ARSG: variants seen among roughly 807,000 people sequenced by gnomAD.
ARSG encodes the protein ASG.
A neutral mutation model predicts 50.5 loss-of-function variants in ARSG; 37 were observed. The observed-to-expected ratio is 0.73, with a 90% CI of 0.56 to 0.96. The LOEUF is 0.96. ARSG is among the 50% of genes least tolerant of loss of function. The probability of loss-of-function intolerance (pLI) is 0.00; values close to 1 mark genes in which losing one functional copy is unlikely to be tolerated. For missense variants in ARSG, 629 were observed against 675.3 expected, an observed-to-expected ratio of 0.93 and a Z score of 0.76; for synonymous variants, 225 against 254.6, an observed-to-expected ratio of 0.88 and a Z score of 1.11.
In ARSG at chr17:68,306,978, G is replaced by A. The variant is rs1427365846; in HGVS notation, c.-516G>A. 6.6e-6 allele frequency: 1 copy of A among 152,590 alleles called. No homozygotes were observed. Among genetic ancestry groups the A allele is most frequent in the African/African-American group, 2.4e-5 (1 of 41,412 alleles). The allele number at this position is 152,590 out of a possible 1,614,324, so 9.5% of individuals were successfully genotyped here. A position where few individuals can be genotyped will look rare whatever the true frequency, so the allele number is the denominator to read the frequency against. On this transcript the variant is annotated 5_prime_UTR_variant, in exon 2 of 12. Transcript: ENST00000621439. ...AGAAACATGAAGCCCTCAACCATCT[G>A]CTACTCAGTTATTCGGGGCTGACGG... is the stretch of plus-strand genomic sequence containing the variant.
At chr17:68,374,264 T>C (rs7211973) in intron 8 of ARSG, among the ~76,000 whole-genome samples, 74,715 of 151,792 alleles carry the variant, frequency 0.49, 19,345 homozygotes, top group African/African-American at 0.64. Flanking sequence ...CCTGGGACAC[T>C]CTTGGGCCAG....
In ARSG at chr17:68,292,222, C is replaced by T. The variant is rs150374728; in HGVS notation, c.-552+654C>T. ...AGCCGGGCTGAGTCAGCATCCCCGG[C>T]CCGGGGCGCGCGCGCACCCTCCAGG... On this transcript the variant is annotated intron_variant, in intron 1 of 11. Coordinates refer to ENST00000621439, the MANE Select transcript of ARSG (RefSeq NM_001267727.2). Among the ~76,000 whole-genome samples, 305 of 151,722 alleles carry T rather than the reference C, an allele frequency of 2.0e-3. 1 individual carries two copies. Among genetic ancestry groups the T allele is most frequent in the African/African-American group, 7.0e-3 (290 of 41,338 alleles).
In ARSG at chr17:68,392,457, C is replaced by T. The variant is rs369304659; in HGVS notation, c.1092-2616C>T. Among the ~76,000 whole-genome samples, 5 of 152,210 alleles carry T rather than the reference C, an allele frequency of 3.3e-5. No homozygotes were observed. In the East Asian group the frequency reaches 9.6e-4, roughly 29 times the overall value. ...TGTGTTGTTCTCTCTTTTATATTTC[C>T]GGATGCTCTCATTTTTTCAACCATA... On this transcript the variant is annotated intron_variant, in intron 9 of 11. Transcript: ENST00000621439.
In ARSG at chr17:68,269,456, C is replaced by T. The variant is rs1194683295; in HGVS notation, c.-552+10030C>T. On this transcript the variant is annotated intron_variant, in intron 1 of 11. Transcript: ENST00000448504. ...TCAGTTTCACTGCCTTCCTTGTTTT[C>T]TTTTGTGTTTCTAAAGAAAAATGGG... 5 of 1,233,240 alleles carry T rather than the reference C, an allele frequency of 4.1e-6. 1 individual carries two copies. In the Admixed American group the frequency reaches 1.3e-4, roughly 33 times the overall value. The allele number at this position is 1,233,240 out of a possible 1,614,324, so 76.4% of individuals were successfully genotyped here. A position where few individuals can be genotyped will look rare whatever the true frequency, so the allele number is the denominator to read the frequency against.
intron 11 of ARSG, among the ~76,000 whole-genome samples, chr17:68,416,603 T>C (rs867870519): frequency 1.6e-4 from 25 of 152,200 alleles, no homozygotes; most frequent in African/African-American, 5.5e-4. Context: ...GGAACACCAA[T>C]TATTCTTAGA....
chr17:68,346,832 G>A, intron 3 of ARSG: 1 of 1,368,084 alleles, frequency 7.3e-7, no homozygotes, highest in Non-Finnish European at 9.6e-7. Context: ...TGTCTGTGGA[G>A]CCCTCTTTGA....
chr17:68,294,462 A>C (rs1555757427), intron 1 of ARSG, among the ~76,000 whole-genome samples: 4 of 152,212 alleles, frequency 2.6e-5, no homozygotes, highest in African/African-American at 9.6e-5. Flanking sequence ...GAGAACTTCA[A>C]CTTGGGTAAG....
intron 2 of ARSG, among the ~76,000 whole-genome samples, chr17:68,334,830 C>G (rs2077942204): frequency 6.6e-6 from 1 of 152,114 alleles, no homozygotes; most frequent in African/African-American, 2.4e-5. Flanking sequence ...GAGGTAGAAG[C>G]TGCCAGTCTT....
At chr17:68,309,207 C>T (rs11650222) in intron 2 of ARSG, among the ~76,000 whole-genome samples, 50,908 of 152,164 alleles carry the variant, frequency 0.33, 8,826 homozygotes, top group African/African-American at 0.43. Context: ...GCTCCGAGTG[C>T]GGGGCCCGCC....
chr17:68,408,679 A>G (rs1487625536), intron 11 of ARSG, among the ~76,000 whole-genome samples: 1 of 152,152 alleles, frequency 6.6e-6, no homozygotes, highest in East Asian at 1.9e-4. Context: ...TTCTAGTTCT[A>G]GATCCCTGAG....
intron 1 of ARSG, chr17:68,278,138 G>A: frequency 6.2e-7 from 1 of 1,614,058 alleles, no homozygotes; most frequent in Non-Finnish European, 8.5e-7. Flanking sequence ...ATGAGATCCT[G>A]CTATTGGATT....
intron 3 of ARSG, among the ~76,000 whole-genome samples, chr17:68,344,696 A>G (rs2078428071): frequency 6.6e-6 from 1 of 152,246 alleles, no homozygotes; most frequent in African/African-American, 2.4e-5. Context: ...ACAGCCCAGT[A>G]TTCCCAGAAG....
At chr17:68,395,973 C>T (rs928509749) in intron 10 of ARSG, among the ~76,000 whole-genome samples, 11 of 151,594 alleles carry the variant, frequency 7.3e-5, no homozygotes, top group Admixed American at 7.2e-4. Flanking sequence ...CTCCCAGCTC[C>T]AGAGGGCTCA....
At chr17:68,323,053 C>G (rs1568466843) in intron 2 of ARSG, among the ~76,000 whole-genome samples, 1 of 151,962 alleles carries the variant, frequency 6.6e-6, no homozygotes, top group Non-Finnish European at 1.5e-5. Flanking sequence ...CTCTCTCTCT[C>G]TCTGATGTTA....
the ARSG span, chr17:68,434,410 A>T: frequency 1.4e-6 from 1 of 726,226 alleles, no homozygotes; most frequent in Non-Finnish European, 2.2e-6. Flanking sequence ...AAAGCCTGGG[A>T]GTCAATTACC....
intron 8 of ARSG, among the ~76,000 whole-genome samples, chr17:68,382,977 T>C (rs1265717397): frequency 1.3e-5 from 2 of 152,196 alleles, no homozygotes; most frequent in East Asian, 3.8e-4. Flanking sequence ...CAGCCAATCT[T>C]TTTCTTTCTC....
At chr17:68,374,111 C>T (rs1455403109) in intron 8 of ARSG, among the ~76,000 whole-genome samples, 1 of 147,886 alleles carries the variant, frequency 6.8e-6, no homozygotes, top group African/African-American at 2.5e-5. Context: ...GAGCTGAGAT[C>T]GCACCACTGG....
At chr17:68,296,713 G>A (rs149166385) in intron 1 of ARSG, among the ~76,000 whole-genome samples, 11 of 152,226 alleles carry the variant, frequency 7.2e-5, no homozygotes, top group African/African-American at 2.2e-4. Context: ...TAGCCCACTC[G>A]TGAGCACTGA....
the ARSG span, chr17:68,433,498 T>A: frequency 1.9e-6 from 3 of 1,614,138 alleles, no homozygotes; most frequent in Non-Finnish European, 8.5e-7. Flanking sequence ...CTTGAAGATG[T>A]GTACCGTCTC....
Sources: gnomAD v4.1 joint callset for allele counts (sites outside exome capture counted in the v4.1 genomes callset) on GRCh38, gnomAD v4.1.1 for gene constraint, MANE v1.5 for transcripts, NCBI Gene and HGNC (gene_info 2026-07-23, HGNC 2026-07-21) for gene names.